Variants in NFIA observed in about 807,000 individuals in gnomAD.
NFIA encodes the protein nuclear factor I A.
In NFIA, 8 loss-of-function variants were observed where a neutral mutation model predicts 62.8. That is an observed-to-expected ratio of 0.13 (90% CI 0.07 to 0.23). The LOEUF (loss-of-function observed/expected upper bound fraction) is 0.23. NFIA is among the 10% of genes least tolerant of loss of function. NFIA has a pLI of 1.00. For synonymous variants in NFIA, 235 were observed against 238.1 expected (o/e 0.99, Z 0.12); for missense variants, 410 against 642.1 (o/e 0.64, Z 3.91).
chr1:61,200,335 A>T (rs1652384132), intron 2 of NFIA, among the ~76,000 whole-genome samples: 1 of 151,794 alleles, frequency 6.6e-6, no homozygotes, highest in Admixed American at 6.6e-5. Context: ...AAACACTTAG[A>T]ATCTTCCTCC....
rs1158715223 is a variant in NFIA, at chr1:61,455,762, A to C, written c.*442A>C. 1 of 187,262 alleles carries C rather than the reference A, an allele frequency of 5.3e-6. No individual in the cohort carries two copies. Among genetic ancestry groups the C allele is most frequent in the Admixed American group, 6.1e-5 (1 of 16,330 alleles). The allele number at this position is 187,262 out of a possible 1,614,324, so 11.6% of individuals were successfully genotyped here. A position where few individuals can be genotyped will look rare whatever the true frequency, so the allele number is the denominator to read the frequency against. ...TCCTCCTTGAGCATTGAGGAGGCAC[A>C]TGGAGAACTAAATCTTTTGTAGTAG... On this transcript the variant is annotated 3_prime_UTR_variant, in exon 11 of 11. Coordinates refer to ENST00000403491, the MANE Select transcript of NFIA (RefSeq NM_001134673.4).
At chr1:61,311,270 A>G (rs1286002197) in intron 3 of NFIA, among the ~76,000 whole-genome samples, 1 of 152,150 alleles carries the variant, frequency 6.6e-6, no homozygotes, top group Non-Finnish European at 1.5e-5. Context: ...ACATGCCTAT[A>G]GTCCCAGCTA....
chr1:61,107,291 C>G (rs916878826), intron 2 of NFIA, among the ~76,000 whole-genome samples: 1 of 151,516 alleles, frequency 6.6e-6, no homozygotes, highest in African/African-American at 2.4e-5. Flanking sequence ...CGATCACTCG[C>G]TGTAGCAGTA....
At chr1:61,163,728 A>G (rs894526654) in intron 2 of NFIA, among the ~76,000 whole-genome samples, 1 of 152,154 alleles carries the variant, frequency 6.6e-6, no homozygotes, top group African/African-American at 2.4e-5. Flanking sequence ...AACAGAAAAT[A>G]CTTTGTTGGT....
chr1:61,279,883 T>A (rs1658030366), intron 3 of NFIA, among the ~76,000 whole-genome samples: 1 of 152,202 alleles, frequency 6.6e-6, no homozygotes, highest in Non-Finnish European at 1.5e-5. Flanking sequence ...ACTAGCCAAG[T>A]TCACTTTTAA....
At chr1:61,330,882 G>T (rs890731975) in intron 3 of NFIA, among the ~76,000 whole-genome samples, 1 of 152,186 alleles carries the variant, frequency 6.6e-6, no homozygotes, top group African/African-American at 2.4e-5. Flanking sequence ...CAACCTTAAT[G>T]TACATTGTGG....
At chr1:61,150,086 C>T (rs1648292411) in intron 2 of NFIA, among the ~76,000 whole-genome samples, 1 of 152,084 alleles carries the variant, frequency 6.6e-6, no homozygotes, top group African/African-American at 2.4e-5. Context: ...CAGAGATGGC[C>T]AGAAATGGAT....
chr1:61,178,193 T>G (rs1269357916), intron 2 of NFIA, among the ~76,000 whole-genome samples: 1 of 152,172 alleles, frequency 6.6e-6, no homozygotes, highest in East Asian at 1.9e-4. Flanking sequence ...ACCCATAACT[T>G]TTAGGGTGAT....
intron 8 of NFIA, among the ~76,000 whole-genome samples, chr1:61,405,313 C>A (rs1162681949): frequency 6.6e-6 from 1 of 152,168 alleles, no homozygotes; most frequent in Non-Finnish European, 1.5e-5. Flanking sequence ...TATTCTAAAG[C>A]ATTCACTTAT....
At chr1:61,230,685 A>G (rs2100631036) in intron 2 of NFIA, among the ~76,000 whole-genome samples, 1 of 152,206 alleles carries the variant, frequency 6.6e-6, no homozygotes, top group Admixed American at 6.5e-5. Context: ...ACTCCCTCTC[A>G]CCAGCTGTAT....
rs143583395 is a variant in NFIA at position 61,187,652 on chromosome 1, C to T, written c.560-89868C>T. Among the ~76,000 whole-genome samples, 1,516 of 152,346 alleles carry T rather than the reference C, an allele frequency of 1.0e-2. 17 individuals carry two copies. Among genetic ancestry groups the T allele is most frequent in the Middle Eastern group, 0.061 (18 of 294 alleles). ...GCCTATCCTCTGCAACTTTGCTTAGCAGCAGGAGTAGAGAAGTATTGATTG... is the reference window on the plus strand; with the variant it reads ...GCCTATCCTCTGCAACTTTGCTTAGTAGCAGGAGTAGAGAAGTATTGATTG... On this transcript the variant is annotated intron_variant, in intron 2 of 10. Coordinates refer to ENST00000403491, the MANE Select transcript of NFIA (RefSeq NM_001134673.4).
intron 2 of NFIA, among the ~76,000 whole-genome samples, chr1:61,121,029 G>A (rs1646878661): frequency 6.6e-6 from 1 of 152,186 alleles, no homozygotes; most frequent in Non-Finnish European, 1.5e-5. Context: ...TATTAGCATT[G>A]TAAGGTCTTA....
In NFIA at chr1:61,455,587, A is replaced by G. The variant is rs1435613725; in HGVS notation, c.*267A>G. ...GTGCTGGAAATGGTTGGGCTTTGTAACATTTGAAGTGTTTCCATGGTAGCG... is the reference window on the plus strand; with the variant it reads ...GTGCTGGAAATGGTTGGGCTTTGTAGCATTTGAAGTGTTTCCATGGTAGCG... On this transcript the variant is annotated 3_prime_UTR_variant, in exon 11 of 11. Transcript: ENST00000403491. 1.9e-6 allele frequency: 1 copy of G among 534,554 alleles called. No homozygotes were observed. Among genetic ancestry groups the G allele is most frequent in the Non-Finnish European group, 3.2e-6 (1 of 309,376 alleles). 33.1% of individuals were successfully genotyped at this position (534,554 alleles called of 1,614,324 possible). A position where few individuals can be genotyped will look rare whatever the true frequency, so the allele number is the denominator to read the frequency against.
At chr1:61,235,319 C>G (rs1654926248) in intron 2 of NFIA, among the ~76,000 whole-genome samples, 1 of 151,706 alleles carries the variant, frequency 6.6e-6, no homozygotes. Flanking sequence ...AAAAATTAGC[C>G]AGGTGTGGTG....
Position 61,345,291 on chromosome 1 carries a change from A to G in NFIA, c.701-7159A>G, listed in dbSNP as rs189909467. On this transcript the variant is annotated intron_variant, in intron 4 of 10. Coordinates refer to ENST00000403491, the MANE Select transcript of NFIA (RefSeq NM_001134673.4). ...TTCTGAGTTTCATTTGGTATTGTTT[A>G]AAGTTTAGAGGGGGCAAATAGGGAG... 4.2e-3 allele frequency among the ~76,000 whole-genome samples: 639 copies of G among 152,306 alleles called. 6 individuals carry two copies. Among genetic ancestry groups the G allele is most frequent in the African/African-American group, 0.014 (587 of 41,564 alleles).
chr1:61,427,989 G>C (rs562312233), intron 10 of NFIA, among the ~76,000 whole-genome samples: 80 of 152,148 alleles, frequency 5.3e-4, no homozygotes, highest in Non-Finnish European at 1.5e-4. Context: ...TACATTTGGC[G>C]TAAGTGTCCA....
intron 10 of NFIA, among the ~76,000 whole-genome samples, chr1:61,445,658 A>G (rs939468433): frequency 2.0e-5 from 3 of 152,160 alleles, no homozygotes; most frequent in African/African-American, 7.2e-5. Flanking sequence ...CAGAGCTATG[A>G]CCGCGCACAG....
At position 61,316,470 on chromosome 1, in the gene NFIA, G is replaced by A. The variant is rs1570567749; in HGVS notation, c.626-16042G>A. 5.3e-5 allele frequency among the ~76,000 whole-genome samples: 8 copies of A among 152,164 alleles called. No homozygotes were observed. The South Asian group carries it at 1.7e-3, about 32-fold the overall frequency. ...TCTCCTTAAGGGTATTCAAAAATGT[G>A]TGAGGGCATTTTTGGTGCTCACAAG... On this transcript the variant is annotated intron_variant, in intron 3 of 10. Transcript: ENST00000403491.
At chr1:61,138,386 G>A (rs1054998241) in intron 2 of NFIA, among the ~76,000 whole-genome samples, 1 of 152,086 alleles carries the variant, frequency 6.6e-6, no homozygotes, top group Non-Finnish European at 1.5e-5. Context: ...ATGAGCCACT[G>A]CTCTGGCCAA....
Sources: allele counts gnomAD v4.1 joint callset (sites outside exome capture counted in the v4.1 genomes callset), GRCh38; gene constraint gnomAD v4.1.1; transcripts MANE v1.5; gene names NCBI Gene and HGNC (gene_info 2026-07-23, HGNC 2026-07-21).